The following AGBL3 variants were observed in gnomAD, a reference collection of about 807,000 sequenced individuals.
AGBL3 encodes AGBL carboxypeptidase 3, also known as cytosolic carboxypeptidase 3.
Under a neutral mutation model 94.5 loss-of-function variants are expected in AGBL3, and 68 were observed. That is an observed-to-expected ratio of 0.72 (90% confidence interval 0.59 to 0.88). The LOEUF (loss-of-function observed/expected upper bound fraction) is 0.88, where lower values mean the gene tolerates loss of function less well. AGBL3 is among the 40% of genes least tolerant of loss of function. The pLI, the probability that AGBL3 is intolerant of heterozygous loss-of-function variation, is 0.00. For missense variants in AGBL3, 934 were observed against 1,103.8 expected (o/e 0.85, Z 2.18); for synonymous variants, 354 against 370.7 (o/e 0.95, Z 0.52).
chr7:135,060,990 G>A (rs1296734174), intron 12 of AGBL3, among the ~76,000 whole-genome samples: 1 of 151,492 alleles, frequency 6.6e-6, no homozygotes, highest in Non-Finnish European at 1.5e-5. Context: ...TTCCATAATG[G>A]CTGTACTAAT....
At chr7:135,114,623 A>G (rs1054820740) in intron 15 of AGBL3, among the ~76,000 whole-genome samples, 4 of 151,964 alleles carry the variant, frequency 2.6e-5, no homozygotes, top group African/African-American at 7.3e-5. Context: ...GAAAATCCAC[A>G]TATGTACCCA....
chr7:135,132,775 C>T (rs12540411), intron 16 of AGBL3, among the ~76,000 whole-genome samples: 67,127 of 151,942 alleles, frequency 0.44, 15,485 homozygotes, highest in East Asian at 0.78. Context: ...CTTTGCCTTC[C>T]GCCAAGATTG....
chr7:135,081,817 A>C, intron 15 of AGBL3, 27 bp downstream of exon 15: 8 of 1,406,652 alleles, frequency 5.7e-6, no homozygotes, highest in Non-Finnish European at 7.8e-6. Context: ...CACAGACAGT[A>C]ATGAGTGGTC....
At chr7:135,129,182 T>C in intron 16 of AGBL3, 2 of 1,420,270 alleles carry the variant, frequency 1.4e-6, no homozygotes, top group Non-Finnish European at 2.0e-6. Context: ...TGATGGCAGA[T>C]GTGGTGTACT....
chr7:135,046,401 A>G (rs1183474773), intron 11 of AGBL3, among the ~76,000 whole-genome samples: 1 of 152,080 alleles, frequency 6.6e-6, no homozygotes, highest in Non-Finnish European at 1.5e-5. Context: ...CAAATGTATA[A>G]TATATGTATT....
chr7:135,128,685 G>GA (rs2117315084), intron 16 of AGBL3: 1 of 1,290,350 alleles, frequency 7.7e-7, no homozygotes, highest in South Asian at 1.2e-5. Flanking sequence ...CCTGAATATT[G>GA]TCTCTCCTTT....
chr7:135,115,449 A>G lies in AGBL3; in HGVS notation c.2180A>G (p.Asn727Ser). ...TTCCAAAGCAAGAAGACTGGCATAA[A>G]TTGGACAGATGATGAAAAAAGAAGC... ...ISFQSKKTGI[N>S]WTDDEKRSYK... The change falls in exon 16 of 17, where the codon AAT becomes AGT. Residue 727 changes from asparagine to serine, a missense_variant. Asn to Ser is a conservative substitution (Grantham distance 46). Coordinates refer to ENST00000436302, the MANE Select transcript of AGBL3 (RefSeq NM_178563.4). 3 of 1,551,482 alleles carry G rather than the reference A, an allele frequency of 1.9e-6. No individual in the cohort carries two copies. Among genetic ancestry groups the G allele is most frequent in the Non-Finnish European group, 2.6e-6 (3 of 1,146,822 alleles).
intron 11 of AGBL3, among the ~76,000 whole-genome samples, chr7:135,055,399 A>G (rs894083223): frequency 6.6e-6 from 1 of 152,202 alleles, no homozygotes; most frequent in African/African-American, 2.4e-5. Flanking sequence ...TATGTATGTT[A>G]GCTGTAAGGT....
At chr7:134,993,423 T>C (rs1810560534) in intron 3 of AGBL3, 70 bp from the exon 4 acceptor site, 3 of 1,282,008 alleles carry the variant, frequency 2.3e-6, no homozygotes, top group East Asian at 2.6e-5. Context: ...AAAAAGGAAC[T>C]ATATAAAAAT....
At chr7:135,068,559 G>A (rs1487718859) in intron 12 of AGBL3, among the ~76,000 whole-genome samples, 1 of 152,204 alleles carries the variant, frequency 6.6e-6, no homozygotes, top group Non-Finnish European at 1.5e-5. Context: ...CTACAAGCCA[G>A]AAGAGAGTGG....
chr7:135,070,364 A>G lies in AGBL3; in HGVS notation c.1909-6033A>G, dbSNP rs535207102. ...ACTAGAAAAAGAGGGAATCCTCCCT[A>G]ACTCATTTTATGAGGCCAGCATCAT... On this transcript the variant is annotated intron_variant, in intron 12 of 16. Coordinates refer to ENST00000436302, the MANE Select transcript of AGBL3 (RefSeq NM_178563.4). 2.0e-5 allele frequency among the ~76,000 whole-genome samples: 3 copies of G among 152,360 alleles called. No homozygotes were observed. The South Asian group carries it at 6.2e-4, about 32-fold the overall frequency.
chr7:135,024,639 A>C (rs1013513521), intron 5 of AGBL3, among the ~76,000 whole-genome samples: 1 of 152,234 alleles, frequency 6.6e-6, no homozygotes, highest in Non-Finnish European at 1.5e-5. Flanking sequence ...AATGGTTCTT[A>C]ACCAGATTGA....
chr7:135,039,915 G>T (rs1041094799), intron 8 of AGBL3, among the ~76,000 whole-genome samples: 7 of 152,036 alleles, frequency 4.6e-5, no homozygotes, highest in Admixed American at 3.3e-4. Flanking sequence ...GCTTGGAAAA[G>T]ATTGGTAAAA....
intron 11 of AGBL3, 92 bp downstream of exon 11, chr7:135,046,003 T>G (rs575905441): frequency 1.1e-6 from 1 of 907,938 alleles, no homozygotes; most frequent in Non-Finnish European, 1.7e-6. Flanking sequence ...AGTTCTCAAC[T>G]GAAAATCCCA....
intron 15 of AGBL3, among the ~76,000 whole-genome samples, chr7:135,096,361 GAC>G (rs368906192): frequency 2.9e-4 from 43 of 150,264 alleles, no homozygotes; most frequent in South Asian, 1.3e-3. Context: ...GAAAGAGAGA[GAC>G]AGACAGACAG....
At chr7:135,057,268 C>G (rs1354817233) in intron 11 of AGBL3, among the ~76,000 whole-genome samples, 6 of 151,988 alleles carry the variant, frequency 3.9e-5, no homozygotes, top group Admixed American at 3.9e-4. Flanking sequence ...GAATTATAGA[C>G]CTAGATGTAA....
At chr7:135,113,714 A>G (rs188137499) in intron 15 of AGBL3, among the ~76,000 whole-genome samples, 24 of 152,340 alleles carry the variant, frequency 1.6e-4, no homozygotes, top group African/African-American at 5.3e-4. Context: ...TTAAGTGTAC[A>G]ATTCAGTAGT....
chr7:135,059,420 G>T (rs1271450491), intron 12 of AGBL3, among the ~76,000 whole-genome samples, 185 bp downstream of exon 12: 2 of 152,084 alleles, frequency 1.3e-5, no homozygotes, highest in African/African-American at 4.8e-5. Flanking sequence ...TAACATCCTT[G>T]TTTTATAGAT....
chr7:135,061,053 C>T (rs1563227038), intron 12 of AGBL3, among the ~76,000 whole-genome samples: 2 of 136,096 alleles, frequency 1.5e-5, no homozygotes, highest in South Asian at 2.8e-4. Flanking sequence ...ATCTCCAACA[C>T]TAATTATCTT....
Sources: gnomAD v4.1 joint callset for allele counts (sites outside exome capture counted in the v4.1 genomes callset) on GRCh38, gnomAD v4.1.1 for gene constraint, MANE v1.5 for transcripts, NCBI Gene and HGNC (gene_info 2026-07-23, HGNC 2026-07-21) for gene names.